ROBO1: variants seen among roughly 807,000 people sequenced by gnomAD.
ROBO1 encodes the protein roundabout homolog 1.
In ROBO1, 149 loss-of-function variants were observed where a neutral mutation model predicts 195.9. The ratio of observed to expected loss-of-function variants is 0.76; its 90% confidence interval spans 0.67 to 0.87. The LOEUF (loss-of-function observed/expected upper bound fraction) is 0.87. Ranked by LOEUF, ROBO1 falls within the 40% of genes least tolerant of loss-of-function variation. The pLI is 0.00. For missense variants in ROBO1, 1,933 were observed against 2,068.3 expected (o/e 0.93, Z 1.27); for synonymous variants, 816 against 733.2 (o/e 1.11, Z -1.82).
chr3:79,459,019 C>G (rs2039711206), intron 2 of ROBO1, among the ~76,000 whole-genome samples: 1 of 152,090 alleles, frequency 6.6e-6, no homozygotes, highest in Non-Finnish European at 1.5e-5. Context: ...CTGTATCCAA[C>G]TTTATGCTAA....
intron 4 of ROBO1, among the ~76,000 whole-genome samples, chr3:78,889,726 AAAC>A (rs1294645260): frequency 1.3e-5 from 2 of 152,084 alleles, no homozygotes; most frequent in Non-Finnish European, 2.9e-5. Context: ...AAAAAAAAAA[AAAC>A]GAGTGGGGAA....
chr3:79,192,404 A>G (rs1462796785), intron 2 of ROBO1, among the ~76,000 whole-genome samples: 1 of 151,842 alleles, frequency 6.6e-6, no homozygotes, highest in African/African-American at 2.4e-5. Flanking sequence ...TGCAGGTAAT[A>G]TGTGACTAAT....
rs529368650 is a variant in ROBO1, at chr3:79,570,055, C to G, written c.88+19769G>C. On this transcript the variant is annotated intron_variant, in intron 2 of 30. Transcript: ENST00000464233. ...GGTCAAGGCTGCAGTGAGCCAAGAT[C>G]GCATGACTGCACTCCAGCATGGGTG... Among the ~76,000 whole-genome samples the G allele has an allele frequency of 2.6e-5, 4 of 152,030 alleles. No homozygotes were observed. In the South Asian group the frequency reaches 6.2e-4, roughly 24 times the overall value.
At chr3:79,052,872 G>A (rs1479583028) in intron 3 of ROBO1, among the ~76,000 whole-genome samples, 1 of 152,020 alleles carries the variant, frequency 6.6e-6, no homozygotes, top group Non-Finnish European at 1.5e-5. Flanking sequence ...CAACTGATGA[G>A]TAGTCTGTGT....
At chr3:78,936,549 C>G (rs2039817389) in intron 4 of ROBO1, among the ~76,000 whole-genome samples, 1 of 152,036 alleles carries the variant, frequency 6.6e-6, no homozygotes, top group Non-Finnish European at 1.5e-5. Context: ...ATGATAGTAT[C>G]TATACTGAAT....
At position 79,125,779 on chromosome 3, in the gene ROBO1, C is replaced by T. The variant is rs143251306; in HGVS notation, c.89-240G>A. ...TTAATTTCCCTAATTCTCTGCCCTG[C>T]CTGCACCTTTGCTACACTTCAAAGC... On this transcript the variant is annotated intron_variant, in intron 2 of 30. Transcript: ENST00000464233. 6.6e-3 allele frequency among the ~76,000 whole-genome samples: 1,005 copies of T among 152,298 alleles called. 7 individuals carry two copies. The highest frequency in any genetic ancestry group is 8.2e-3 in the Non-Finnish European group (561 of 68,030).
chr3:78,666,842 C>T (rs77219728), intron 14 of ROBO1, among the ~76,000 whole-genome samples: 1,709 of 152,264 alleles, frequency 0.011, 14 homozygotes, highest in Non-Finnish European at 0.017. Context: ...TCTCAGTCAT[C>T]TTGTGTATAA....
intron 2 of ROBO1, among the ~76,000 whole-genome samples, chr3:79,442,597 C>T (rs971713698): frequency 3.3e-5 from 5 of 152,092 alleles, no homozygotes; most frequent in African/African-American, 9.7e-5. Context: ...GGAAGTCTCA[C>T]TTCTGTTGTC....
At chr3:79,035,872 C>G (rs1231048825) in intron 3 of ROBO1, among the ~76,000 whole-genome samples, 1 of 152,132 alleles carries the variant, frequency 6.6e-6, no homozygotes, top group African/African-American at 2.4e-5. Flanking sequence ...ACAAAACTAT[C>G]TGGGACCATT....
intron 4 of ROBO1, among the ~76,000 whole-genome samples, chr3:78,764,321 T>G (rs1296426974): frequency 6.6e-6 from 1 of 152,146 alleles, no homozygotes; most frequent in Non-Finnish European, 1.5e-5. Context: ...AATAATTGGT[T>G]TAATACTGTA....
At chr3:79,577,760 A>ACACACACAC (rs1560010007) in intron 2 of ROBO1, among the ~76,000 whole-genome samples, 4 of 148,316 alleles carry the variant, frequency 2.7e-5, no homozygotes, top group African/African-American at 1.0e-4. Flanking sequence ...ACACACACAC[A>ACACACACAC]AAATTGCTGG....
chr3:79,645,249 C>T (rs946926423), intron 1 of ROBO1, among the ~76,000 whole-genome samples: 5 of 152,054 alleles, frequency 3.3e-5, no homozygotes, highest in African/African-American at 1.2e-4. Flanking sequence ...TGTCTGTAAT[C>T]ACACCACTTT....
In ROBO1 at chr3:79,354,952, G is replaced by A. The variant is rs377234635; in HGVS notation, c.89-229413C>T. 3.3e-5 allele frequency among the ~76,000 whole-genome samples: 5 copies of A among 152,246 alleles called. No individual in the cohort carries two copies. The East Asian group carries it at 5.8e-4, about 18-fold the overall frequency. On this transcript the variant is annotated intron_variant, in intron 2 of 30. Coordinates refer to ENST00000464233, the MANE Select transcript of ROBO1 (RefSeq NM_002941.4). ...GGAGGCCAAGGTGGGTGGATCACGA[G>A]GTCAGGAGTTCAAGACCATCCTGGC...
chr3:79,452,084 T>C (rs998059153), intron 2 of ROBO1, among the ~76,000 whole-genome samples: 23 of 152,088 alleles, frequency 1.5e-4, no homozygotes, highest in Non-Finnish European at 1.5e-4. Context: ...AGGAACATTG[T>C]ACATGTCCCA....
intron 2 of ROBO1, among the ~76,000 whole-genome samples, chr3:79,175,177 G>T (rs79421185): frequency 6.6e-6 from 1 of 151,830 alleles, no homozygotes; most frequent in Admixed American, 6.6e-5. Flanking sequence ...AACCCCAATG[G>T]GCTTAAACAT....
At chr3:79,274,764 A>C (rs1377699633) in intron 2 of ROBO1, among the ~76,000 whole-genome samples, 1 of 151,978 alleles carries the variant, frequency 6.6e-6, no homozygotes, top group Non-Finnish European at 1.5e-5. Context: ...AAAAGGGGTA[A>C]GACCAAAGTA....
chr3:79,246,568 T>G (rs2082627540), intron 2 of ROBO1, among the ~76,000 whole-genome samples: 1 of 152,106 alleles, frequency 6.6e-6, no homozygotes, highest in Non-Finnish European at 1.5e-5. Context: ...AATATCCAAG[T>G]CTTTTACTCA....
rs141449177 is a variant in ROBO1 at position 79,746,666 on chromosome 3, CTTTTGATATTCTGAGA to C, written c.-51+21070_-51+21085del. The stretch of plus-strand genomic sequence containing the variant: ...GAAATATACCACAGAGTATCTTCCA[CTTTTGATATTCTGAGA>C]TTTTAGTCCTAATATTTTACTTCAT... On this transcript the variant is annotated intron_variant, in intron 1 of 30. Coordinates refer to ENST00000464233, the MANE Select transcript of ROBO1 (RefSeq NM_002941.4). Among the ~76,000 whole-genome samples the C allele has an allele frequency of 2.8e-3, 424 of 152,108 alleles. 2 individuals are homozygous for C. The highest frequency in any genetic ancestry group is 9.5e-3 in the African/African-American group (395 of 41,536).
At chr3:79,282,684 T>C (rs1559788469) in intron 2 of ROBO1, among the ~76,000 whole-genome samples, 1 of 152,072 alleles carries the variant, frequency 6.6e-6, no homozygotes, top group Non-Finnish European at 1.5e-5. Context: ...GATGAGAAAA[T>C]TTTACGCATG....
Sources: gnomAD v4.1 joint callset for allele counts (sites outside exome capture counted in the v4.1 genomes callset) on GRCh38, gnomAD v4.1.1 for gene constraint, MANE v1.5 for transcripts, NCBI Gene and HGNC (gene_info 2026-07-23, HGNC 2026-07-21) for gene names.